Variants in RFC1 observed in about 807,000 individuals in gnomAD.
The protein encoded by RFC1 is replication factor C subunit 1, also known as A1 140 kDa subunit.
A neutral mutation model predicts 137.4 loss-of-function variants in RFC1; 37 were observed. That is an observed-to-expected ratio of 0.27 (90% confidence interval 0.21 to 0.35). The LOEUF (loss-of-function observed/expected upper bound fraction) is 0.35, where lower values mean the gene tolerates loss of function less well. Ranked by LOEUF, RFC1 falls within the 10% of genes least tolerant of loss-of-function variation. The probability of loss-of-function intolerance (pLI) is 1.00; values close to 1 mark genes in which losing one functional copy is unlikely to be tolerated. For missense variants in RFC1, 1,205 were observed against 1,358.5 expected, an observed-to-expected ratio of 0.89 and a Z score of 1.78; for synonymous variants, 429 against 455.7, an observed-to-expected ratio of 0.94 and a Z score of 0.75.
intron 14 of RFC1, 124 bp from the exon 15 acceptor site, chr4:39,305,052 T>G: frequency 1.4e-6 from 1 of 695,052 alleles, no homozygotes; most frequent in Non-Finnish European, 2.6e-6. Context: ...AGGTAAAGTA[T>G]AAAGTATGAT....
In RFC1 at chr4:39,342,335, G is replaced by A; in HGVS notation, c.331+10C>T. ...CACACGGCATCTCATATACCACAAT[G>A]CAACCTTACCTGTTTCTGAAATGTA... On this transcript the variant is annotated intron_variant, in intron 4 of 24. Transcript: ENST00000349703. 3.7e-6 allele frequency: 6 copies of A among 1,609,976 alleles called. No individual in the cohort carries two copies. Among genetic ancestry groups the A allele is most frequent in the South Asian group, 1.1e-5 (1 of 90,796 alleles).
intron 1 of RFC1, among the ~76,000 whole-genome samples, chr4:39,363,331 T>C (rs1174329728): frequency 2.0e-5 from 3 of 152,196 alleles, no homozygotes; most frequent in Non-Finnish European, 4.4e-5. Context: ...CCCCCTCTTA[T>C]CCTGCCTCTC....
At chr4:39,353,397 CAAAAAAAA>C (rs11416030) in intron 1 of RFC1, among the ~76,000 whole-genome samples, 3 of 63,518 alleles carry the variant, frequency 4.7e-5, no homozygotes, top group African/African-American at 1.8e-4. Context: ...GAGACTGTCT[CAAAAAAAA>C]AAAAAAAAAA....
At chr4:39,325,397 C>T (rs1378178531) in intron 6 of RFC1, among the ~76,000 whole-genome samples, 1 of 152,138 alleles carries the variant, frequency 6.6e-6, no homozygotes, top group Non-Finnish European at 1.5e-5. Flanking sequence ...ATATTATTTT[C>T]CGAGAGACAA....
At chr4:39,348,424 A>AAAAAGAAAAGAAGAAAAG (rs1740977816) in intron 2 of RFC1, among the ~76,000 whole-genome samples, 1 of 71,780 alleles carries the variant, frequency 1.4e-5, no homozygotes, top group Non-Finnish European at 3.0e-5. Flanking sequence ...CTCTGTTTCA[A>AAAAAGAAAAGAAGAAAAG]AAAAGAAAAG....
chr4:39,332,606 C>T (rs564675228), intron 4 of RFC1, among the ~76,000 whole-genome samples: 24 of 152,278 alleles, frequency 1.6e-4, no homozygotes, highest in Non-Finnish European at 2.2e-4. Flanking sequence ...AAATACTATA[C>T]TCCTTAGGAA....
intron 6 of RFC1, among the ~76,000 whole-genome samples, chr4:39,325,903 T>C (rs553324492): frequency 1.3e-5 from 2 of 152,296 alleles, no homozygotes; most frequent in African/African-American, 4.8e-5. Flanking sequence ...TCTTTTAAGA[T>C]CCACCAAGTC....
rs1157194176 is a variant in RFC1 at position 39,321,334 on chromosome 4, A to G, written c.761T>C (p.Val254Ala). Residue 254 changes from valine (V) to alanine (A), a missense_variant, in exon 8 of 25, where the codon GTC becomes GCC. Val to Ala is a moderately conservative substitution (Grantham distance 64). Around this residue, in one of 3 missense-constraint regions of RFC1, gnomAD observed 962 missense variants for 1,035.3 expected, o/e 0.93. Transcript: ENST00000349703. ...DTEAGETFSSVQANLSKAEKH... is the reference protein window; with the variant it reads ...DTEAGETFSSAQANLSKAEKH... ...TTCTGCTTTACTTAAATTGGCTTGG[A>G]CAGATGAAAACGTTTCTCCCGCTTC... 1 of 1,613,828 alleles carries G rather than the reference A, an allele frequency of 6.2e-7. No homozygotes were observed. Among genetic ancestry groups the G allele is most frequent in the South Asian group, 1.1e-5 (1 of 91,042 alleles).
intron 4 of RFC1, among the ~76,000 whole-genome samples, chr4:39,333,711 G>A (rs1320245872): frequency 1.3e-5 from 2 of 152,090 alleles, no homozygotes; most frequent in Non-Finnish European, 2.9e-5. Flanking sequence ...TCCTCTACCA[G>A]AGATCTCTTT....
intron 24 of RFC1, chr4:39,289,548 A>G (rs1560584213): frequency 3.7e-6 from 1 of 270,898 alleles, no homozygotes; most frequent in Non-Finnish European, 6.9e-6. Flanking sequence ...CTGTTTTGTT[A>G]CAAACATTTT....
At chr4:39,325,764 T>C (rs926128288) in intron 6 of RFC1, among the ~76,000 whole-genome samples, 1 of 152,260 alleles carries the variant, frequency 6.6e-6, no homozygotes, top group African/African-American at 2.4e-5. Context: ...ATTCAGATTA[T>C]GCCCACTTCT....
At chr4:39,341,450 G>A in intron 4 of RFC1, 1 of 365,690 alleles carries the variant, frequency 2.7e-6, no homozygotes, top group South Asian at 2.1e-5. Flanking sequence ...CGTCTGTTTG[G>A]TAAAAATTTT....
intron 4 of RFC1, among the ~76,000 whole-genome samples, chr4:39,340,910 T>C (rs980022499): frequency 6.6e-6 from 1 of 152,204 alleles, no homozygotes; most frequent in African/African-American, 2.4e-5. Flanking sequence ...CAATGTTTAC[T>C]TTCACATGTA....
Position 39,365,375 on chromosome 4 carries a change from G to A in RFC1, c.3+864C>T, listed in dbSNP as rs141063921. On this transcript the variant is annotated intron_variant, in intron 1 of 24. Coordinates refer to ENST00000349703, the MANE Select transcript of RFC1 (RefSeq NM_002913.5). ...ACCAATGATTGAAAAAAATTATATCGGATTGTTAAGTATCTTCTAGCTTAA... is the reference window on the plus strand; with the variant it reads ...ACCAATGATTGAAAAAAATTATATCAGATTGTTAAGTATCTTCTAGCTTAA... 5.5e-4 allele frequency: 423 copies of A among 766,108 alleles called. 2 individuals are homozygous for A. The African/African-American group carries it at 7.6e-3, about 14-fold the overall frequency. The allele number at this position is 766,108 out of a possible 1,614,324, so 47.5% of individuals were successfully genotyped here. A position where few individuals can be genotyped will look rare whatever the true frequency, so the allele number is the denominator to read the frequency against.
chr4:39,316,084 G>A (rs988908113), intron 10 of RFC1, among the ~76,000 whole-genome samples: 2 of 152,124 alleles, frequency 1.3e-5, no homozygotes, highest in East Asian at 3.9e-4. Flanking sequence ...TACAAAATTA[G>A]CCAGGCATGG....
chr4:39,310,225 G>T (rs1247292676), intron 12 of RFC1, among the ~76,000 whole-genome samples: 1 of 152,146 alleles, frequency 6.6e-6, no homozygotes, highest in African/African-American at 2.4e-5. Context: ...AAGTGTCAAG[G>T]TTGTAAGAAG....
chr4:39,336,097 T>A (rs887526488), intron 4 of RFC1, among the ~76,000 whole-genome samples: 10 of 152,114 alleles, frequency 6.6e-5, no homozygotes, highest in African/African-American at 2.4e-4. Context: ...TTCCTCTCCA[T>A]ATGCCACTTA....
At chr4:39,327,462 C>A in intron 5 of RFC1, 62 bp downstream of exon 5, 1 of 997,874 alleles carries the variant, frequency 1.0e-6, no homozygotes, top group African/African-American at 1.6e-5. Context: ...CTAGTTTCTC[C>A]TGTTAATATT....
chr4:39,292,450 T>A (rs1050709498), intron 22 of RFC1, among the ~76,000 whole-genome samples: 14 of 152,164 alleles, frequency 9.2e-5, no homozygotes, highest in Admixed American at 6.5e-4. Flanking sequence ...TCTGGTCTGC[T>A]GAGAACTCGA....
Sources: allele counts gnomAD v4.1 joint callset (sites outside exome capture counted in the v4.1 genomes callset), GRCh38; gene constraint gnomAD v4.1.1; regional missense constraint gnomAD v4.1.1; transcripts MANE v1.5; gene names NCBI Gene and HGNC (gene_info 2026-07-23, HGNC 2026-07-21).